The following CCDC73 variants were observed in gnomAD, a reference collection of about 807,000 sequenced individuals.
CCDC73 encodes the protein coiled-coil domain-containing protein 73.
In CCDC73, 95 loss-of-function variants were observed where a neutral mutation model predicts 116.5. The observed-to-expected ratio is 0.82, with a 90% CI of 0.69 to 0.97. CCDC73 has a LOEUF of 0.97. CCDC73 is among the 50% of genes least tolerant of loss of function. The pLI is 0.00. For missense variants in CCDC73, 1,066 were observed against 1,206.8 expected (o/e 0.88, Z 1.73); for synonymous variants, 398 against 401.3 (o/e 0.99, Z 0.10).
chr11:32,701,321 T>C (rs1849808696), intron 4 of CCDC73, among the ~76,000 whole-genome samples: 1 of 152,216 alleles, frequency 6.6e-6, no homozygotes, highest in Admixed American at 6.5e-5. Flanking sequence ...TCAGAATCAT[T>C]TGTATTATCA....
chr11:32,629,383 GA>G (rs1057491073), intron 14 of CCDC73, among the ~76,000 whole-genome samples: 8 of 149,452 alleles, frequency 5.4e-5, no homozygotes, highest in African/African-American at 2.0e-4. Context: ...AGACATGAAG[GA>G]AAAATCTTAA....
At chr11:32,758,465 G>A (rs1469427054) in intron 2 of CCDC73, 1 of 461,606 alleles carries the variant, frequency 2.2e-6, no homozygotes, top group South Asian at 1.6e-5. Flanking sequence ...TTCTTATGAG[G>A]TTATCTTGAA....
intron 15 of CCDC73, 33 bp downstream of exon 15, chr11:32,615,907 A>G: frequency 6.8e-7 from 1 of 1,477,942 alleles, no homozygotes; most frequent in Non-Finnish European, 9.2e-7. Context: ...TCAACATACA[A>G]ATTAGAAAAT....
At chr11:32,793,989 T>C (rs1409060566) in intron 1 of CCDC73, among the ~76,000 whole-genome samples, 1 of 152,120 alleles carries the variant, frequency 6.6e-6, no homozygotes, top group African/African-American at 2.4e-5. Flanking sequence ...CCATTTAAAT[T>C]TGCTCGTGCA....
At chr11:32,813,798 A>G in the CCDC73 span, among the ~76,000 whole-genome samples, 17 of 152,188 alleles carry the variant, frequency 1.1e-4, no homozygotes, top group Non-Finnish European at 2.2e-4. Flanking sequence ...TAATCACTAT[A>G]GCTTTGTAAA....
intron 9 of CCDC73, among the ~76,000 whole-genome samples, chr11:32,674,273 A>C (rs1799297793): frequency 6.6e-6 from 1 of 152,232 alleles, no homozygotes; most frequent in Non-Finnish European, 1.5e-5. Context: ...TAGGTACTTA[A>C]TTCTCTCAGA....
chr11:32,613,520 T>C lies in CCDC73; in HGVS notation c.2798A>G (p.Lys933Arg), dbSNP rs949402936. Residue 933 changes from lysine to arginine, a missense_variant, in exon 16 of 18, where the codon AAG becomes AGG. By Grantham distance (26) the Lys-to-Arg change is conservative. Transcript: ENST00000335185. ...SSTPCISLLL[K>R]ERPLDPSENK... ...TTCTGATGGATCTAGTGGTCTCTCC[T>C]TCAGCAACAAAGAAATGCAAGGGGT... The C allele has an allele frequency of 6.2e-6, 10 of 1,614,128 alleles. No individual in the cohort carries two copies. Among genetic ancestry groups the C allele is most frequent in the Non-Finnish European group, 7.6e-6 (9 of 1,179,982 alleles).
chr11:32,792,560 C>T (rs796656073), intron 1 of CCDC73, among the ~76,000 whole-genome samples: 3 of 152,226 alleles, frequency 2.0e-5, no homozygotes, highest in Admixed American at 6.5e-5. Flanking sequence ...GACTAGTGCT[C>T]CCTGGAACAC....
At chr11:32,735,170 G>A (rs1370136472) in intron 2 of CCDC73, among the ~76,000 whole-genome samples, 1 of 152,110 alleles carries the variant, frequency 6.6e-6, no homozygotes, top group Non-Finnish European at 1.5e-5. Context: ...TTCTGGCCAG[G>A]GCAATCAGAC....
chr11:32,828,437 G>A, the CCDC73 span, among the ~76,000 whole-genome samples: 2 of 151,282 alleles, frequency 1.3e-5, no homozygotes, highest in Non-Finnish European at 2.9e-5. Context: ...TTGAACCCAG[G>A]AGGCGAAGGT....
chr11:32,815,096 G>A, the CCDC73 span, among the ~76,000 whole-genome samples: 18 of 152,198 alleles, frequency 1.2e-4, no homozygotes, highest in African/African-American at 3.9e-4. Context: ...AAAATGTTCC[G>A]GAATGACACA....
At chr11:32,663,126 C>T (rs900829099) in intron 9 of CCDC73, among the ~76,000 whole-genome samples, 2 of 152,158 alleles carry the variant, frequency 1.3e-5, no homozygotes, top group Admixed American at 6.5e-5. Flanking sequence ...TAGTGTGATG[C>T]CTCCAGCTTT....
intron 6 of CCDC73, among the ~76,000 whole-genome samples, chr11:32,689,796 C>G (rs1172795463): frequency 6.6e-6 from 1 of 152,044 alleles, no homozygotes; most frequent in Non-Finnish European, 1.5e-5. Flanking sequence ...GAGATCGAGA[C>G]CATCCTGGCT....
chr11:32,631,929 C>T (rs1855635341), intron 14 of CCDC73, among the ~76,000 whole-genome samples: 1 of 152,110 alleles, frequency 6.6e-6, no homozygotes, highest in Non-Finnish European at 1.5e-5. Context: ...GTTGTCCATG[C>T]TCAAAAATTT....
chr11:32,737,411 A>G (rs1241801453), intron 2 of CCDC73, among the ~76,000 whole-genome samples: 2 of 151,990 alleles, frequency 1.3e-5, no homozygotes, highest in Non-Finnish European at 2.9e-5. Flanking sequence ...AGACCAGGTC[A>G]AGACCAGCCT....
intron 12 of CCDC73, among the ~76,000 whole-genome samples, chr11:32,650,111 G>C (rs764567968): frequency 6.6e-6 from 1 of 152,084 alleles, no homozygotes; most frequent in African/African-American, 2.4e-5. Flanking sequence ...CTGTATATAG[G>C]CTCTGTAGAA....
At chr11:32,744,953 A>T (rs1308881494) in intron 2 of CCDC73, among the ~76,000 whole-genome samples, 2 of 151,842 alleles carry the variant, frequency 1.3e-5, no homozygotes, top group East Asian at 1.9e-4. Context: ...CTAGATTTTG[A>T]ATTTGTTTGC....
chr11:32,671,352 C>A (rs1284969110), intron 9 of CCDC73, among the ~76,000 whole-genome samples: 1 of 149,346 alleles, frequency 6.7e-6, no homozygotes, highest in Non-Finnish European at 1.5e-5. Context: ...AATGGTAATA[C>A]CTAGTTTTTA....
intron 4 of CCDC73, 42 bp from the exon 5 acceptor site, chr11:32,700,868 T>C: frequency 2.7e-6 from 3 of 1,095,378 alleles, no homozygotes; most frequent in African/African-American, 1.6e-5. Context: ...GGATCACTGT[T>C]AACAGTGATC....
Sources: allele counts gnomAD v4.1 joint callset (sites outside exome capture counted in the v4.1 genomes callset), GRCh38; gene constraint gnomAD v4.1.1; transcripts MANE v1.5; gene names NCBI Gene and HGNC (gene_info 2026-07-23, HGNC 2026-07-21).